The following ZNF646 variants were observed in gnomAD, a reference collection of about 807,000 sequenced individuals.
ZNF646 encodes the protein zinc finger protein 646.
In ZNF646, 49 loss-of-function variants were observed where a neutral mutation model predicts 115.4. The ratio of observed to expected loss-of-function variants is 0.42; its 90% confidence interval spans 0.34 to 0.54. ZNF646 has a LOEUF of 0.54. Among genes scored for constraint, ZNF646 ranks in the 20% least tolerant of loss-of-function variants. The pLI is 0.04. For missense variants in ZNF646, 2,269 were observed against 2,457.9 expected (o/e 0.92, Z 1.62); for synonymous variants, 933 against 939.0 (o/e 0.99, Z 0.12).
chr16:31,082,975 CCCAGTGGCA>C lies in ZNF646; in HGVS notation c.5389_5397del (p.Ala1797_Val1799del). ...CTCCTCTCTCTCTCCCCCCAGGAGC[CCCAGTGGCA>C]CCAGTGACGGGCAGAGGGGACTTGC... is the stretch of plus-strand genomic sequence containing the variant. On this transcript the variant is annotated inframe_deletion, in exon 3 of 3. Coordinates refer to ENST00000300850, the MANE Select transcript of ZNF646 (RefSeq NM_014699.4). The C allele has an allele frequency of 6.3e-7, 1 of 1,592,258 alleles. No homozygotes were observed. Among genetic ancestry groups the C allele is most frequent in the Non-Finnish European group, 8.6e-7 (1 of 1,168,770 alleles).
rs1339864281 is a variant in ZNF646 at position 31,080,434 on chromosome 16, C to G, written c.4110C>G (p.Gly1370=). The change falls in exon 2 of 3, where the codon GGC becomes GGG. Residue 1370 remains glycine, a synonymous_variant. Coordinates refer to ENST00000300850, the MANE Select transcript of ZNF646 (RefSeq NM_014699.4). The part of the protein sequence containing the change: ...RRTAVRCALC[G]RSFPGRGSLE... The stretch of plus-strand genomic sequence containing the variant: ...CAGCTGTGCGTTGCGCCCTCTGTGG[C>G]CGCAGCTTCCCTGGCCGGGGATCTT... The G allele has an allele frequency of 1.2e-6, 2 of 1,613,278 alleles. No homozygotes were observed. The highest frequency in any genetic ancestry group is 2.2e-5 in the South Asian group (2 of 91,086).
At position 31,076,109 on chromosome 16, in the gene ZNF646, G is replaced by A. The variant is rs531123421; in HGVS notation, c.-79-137G>A. 4 of 533,468 alleles carry A rather than the reference G, an allele frequency of 7.5e-6. No homozygotes were observed. In the South Asian group the frequency reaches 1.1e-4, roughly 15 times the overall value. 33.0% of individuals were successfully genotyped at this position (533,468 alleles called of 1,614,324 possible). On this transcript the variant is annotated intron_variant, in intron 1 of 2. Coordinates refer to ENST00000300850, the MANE Select transcript of ZNF646 (RefSeq NM_014699.4). ...CCTTAAATGATGGTGCCTGCAGATT[G>A]GATCTAGTAGAAATTAGGTCCTTGG...
rs371892937 is a variant in ZNF646 at position 31,083,751 on chromosome 16, G to T, written c.*659G>T. On this transcript the variant is annotated 3_prime_UTR_variant, in exon 3 of 3. Coordinates refer to ENST00000300850, the MANE Select transcript of ZNF646 (RefSeq NM_014699.4). ...ACAGGGGCAGTAATGCCATTTGCCT[G>T]CCTGCATTCTCTTGTCCTGAGAATG... 3.1e-6 allele frequency: 5 copies of T among 1,613,970 alleles called. No homozygotes were observed. The highest frequency in any genetic ancestry group is 4.2e-6 in the Non-Finnish European group (5 of 1,180,018).
In ZNF646 at chr16:31,078,368, A is replaced by G. The variant is rs776114850; in HGVS notation, c.2044A>G (p.Ser682Gly). The G allele has an allele frequency of 9.3e-6, 15 of 1,612,666 alleles. No individual in the cohort carries two copies. Reference protein sequence around the residue: ...RRHRKRAGGASGGREAKLLAA... With the variant: ...RRHRKRAGGAGGGREAKLLAA... ...GCATCGGAAGCGGGCTGGCGGTGCC[A>G]GCGGTGGGAGAGAAGCCAAACTCCT... Residue 682 changes from serine (S) to glycine (G), a missense_variant, in exon 2 of 3, where the codon AGC becomes GGC. Transcript: ENST00000300850.
At position 31,078,844 on chromosome 16, in the gene ZNF646, G is replaced by A. The variant is rs2057115104; in HGVS notation, c.2520G>A (p.Arg840=). ...ATGCCACTGGCCTGCTGAGCCACAG[G>A]CCCTGCCACCCACCAGGCATCTATC... ...FPHATGLLSH[R]PCHPPGIYQC... is the part of the protein sequence containing the mutation. Residue 840 remains arginine, a synonymous_variant, in exon 2 of 3, where the codon AGG becomes AGA. Coordinates refer to ENST00000300850, the MANE Select transcript of ZNF646 (RefSeq NM_014699.4). 6.2e-7 allele frequency: 1 copy of A among 1,614,022 alleles called. No individual in the cohort carries two copies.
In ZNF646 at chr16:31,080,701, A is replaced by C; in HGVS notation, c.4377A>C (p.Ala1459=). ...SEAPEPLSWG[A]GKAGGWPVGG... ...CCCCAGAGCCACTGTCCTGGGGTGC[A>C]GGGAAGGCAGGTGGGTGGCCGGTAG... is the stretch of plus-strand genomic sequence containing the variant. The change falls in exon 2 of 3, where the codon GCA becomes GCC. Residue 1459 remains alanine (A), a synonymous_variant. Transcript: ENST00000300850. The C allele has an allele frequency of 6.2e-7, 1 of 1,613,864 alleles. No individual in the cohort carries two copies. Among genetic ancestry groups the C allele is most frequent in the South Asian group, 1.1e-5 (1 of 91,082 alleles).
rs1351167420 is a variant in ZNF646 at position 31,084,048 on chromosome 16, G to A, written c.*956G>A. ...CAAGGCAGCTGGAGTGGGTTAGAAC[G>A]GCACGTTCTCACTGGAGAGAGAAGG... On this transcript the variant is annotated 3_prime_UTR_variant, in exon 3 of 3. Coordinates refer to ENST00000300850, the MANE Select transcript of ZNF646 (RefSeq NM_014699.4). 11 of 1,523,706 alleles carry A rather than the reference G, an allele frequency of 7.2e-6. No homozygotes were observed. The highest frequency in any genetic ancestry group is 2.0e-4 in the Middle Eastern group (1 of 4,932). The allele number at this position is 1,523,706 out of a possible 1,614,324, so 94.4% of individuals were successfully genotyped here.
At position 31,081,365 on chromosome 16, in the gene ZNF646, C is replaced by T. The variant is rs774225915; in HGVS notation, c.5041C>T (p.Gln1681Ter). ...EDKERPFRCT[Q>*]CGRSYRHAGS... ...CAAGGAGCGGCCCTTCCGCTGCACC[C>T]AGTGCGGGCGCTCCTACCGCCATGC... Residue 1681 changes from glutamine to a stop codon, truncating the protein, a stop_gained, in exon 2 of 3, where the codon CAG becomes TAG. Coordinates refer to ENST00000300850, the MANE Select transcript of ZNF646 (RefSeq NM_014699.4). LOFTEE classifies it high-confidence loss of function. 2 of 1,613,560 alleles carry T rather than the reference C, an allele frequency of 1.2e-6. No individual in the cohort carries two copies. The highest frequency in any genetic ancestry group is 2.7e-5 in the African/African-American group (2 of 74,944).
rs1202617391 is a variant in ZNF646 at position 31,077,048 on chromosome 16, A to G, written c.724A>G (p.Ser242Gly). 5 of 1,613,874 alleles carry G rather than the reference A, an allele frequency of 3.1e-6. No homozygotes were observed. The African/African-American group carries it at 5.3e-5, about 17-fold the overall frequency. ...PAEEERRYKC[S>G]QCGKTYKHAG... Reference sequence around the variant, plus strand: ...TGAGGAGGAGCGGCGGTACAAATGTAGTCAGTGTGGCAAGACCTACAAGCA... The same window carrying G: ...TGAGGAGGAGCGGCGGTACAAATGTGGTCAGTGTGGCAAGACCTACAAGCA... The change falls in exon 2 of 3, where the codon AGT becomes GGT. Residue 242 changes from serine to glycine, a missense_variant. Ser to Gly is a moderately conservative substitution (Grantham distance 56, BLOSUM62 0). This residue lies in a region of ZNF646 where 334 missense variants were observed against 323.5 expected (regional missense o/e 1.03). Coordinates refer to ENST00000300850, the MANE Select transcript of ZNF646 (RefSeq NM_014699.4).
In ZNF646 at chr16:31,079,178, G is replaced by A. The variant is rs1198460242; in HGVS notation, c.2854G>A (p.Asp952Asn). Reference sequence around the variant, plus strand: ...GCTGCAGCGGGAGGTGGAAGCGCTGGACAGTGCAGGGTATGGGCACATCTG... The same window carrying A: ...GCTGCAGCGGGAGGTGGAAGCGCTGAACAGTGCAGGGTATGGGCACATCTG... ...NQLQREVEAL[D>N]SAGYGHICGC... The change falls in exon 2 of 3, where the codon GAC (aspartate) becomes AAC (asparagine). Residue 952 changes from aspartate (D) to asparagine (N), a missense_variant. Around this residue, in one of 5 missense-constraint regions of ZNF646, gnomAD observed 852 missense variants for 900.2 expected, o/e 0.95. Coordinates refer to ENST00000300850, the MANE Select transcript of ZNF646 (RefSeq NM_014699.4). The surrounding 1 kb of genome is among the most constrained non-coding windows in gnomAD (Gnocchi z 5.5). The A allele has an allele frequency of 6.2e-7, 1 of 1,613,034 alleles. No individual in the cohort carries two copies. The highest frequency in any genetic ancestry group is 8.5e-7 in the Non-Finnish European group (1 of 1,179,814).
rs376364398 is a variant in ZNF646, at chr16:31,081,383, C to T, written c.5059C>T (p.Arg1687Cys). ...FRCTQCGRSY[R>C]HAGSLLNHQK... ...CTGCACCCAGTGCGGGCGCTCCTAC[C>T]GCCATGCTGGCAGCCTGCTGAACCA... The change falls in exon 2 of 3, where the codon CGC becomes TGC. Residue 1687 changes from arginine (R) to cysteine (C), a missense_variant. Transcript: ENST00000300850. 2.0e-5 allele frequency: 32 copies of T among 1,611,966 alleles called. No individual in the cohort carries two copies. Among genetic ancestry groups the T allele is most frequent in the African/African-American group, 1.9e-4 (14 of 74,908 alleles).
rs909531801 is a variant in ZNF646 at position 31,076,527 on chromosome 16, G to A, written c.203G>A (p.Arg68Gln). Residue 68 changes from arginine to glutamine, a missense_variant, in exon 2 of 3, where the codon CGG (arginine) becomes CAG (glutamine). This residue lies in a region of ZNF646 where 334 missense variants were observed against 323.5 expected (regional missense o/e 1.03). Transcript: ENST00000300850. ...CCCGGGAGCCTGGTTAACCATCGTCGGACCCACGAGACTGGCCTTTTCCCC... is the reference window on the plus strand; with the variant it reads ...CCCGGGAGCCTGGTTAACCATCGTCAGACCCACGAGACTGGCCTTTTCCCC... ...RHPGSLVNHR[R>Q]THETGLFPCT... 30 of 1,612,988 alleles carry A rather than the reference G, an allele frequency of 1.9e-5. No homozygotes were observed. The highest frequency in any genetic ancestry group is 2.2e-5 in the Non-Finnish European group (26 of 1,179,400).
At position 31,077,946 on chromosome 16, in the gene ZNF646, C is replaced by G. The variant is rs568763528; in HGVS notation, c.1622C>G (p.Pro541Arg). Residue 541 changes from proline to arginine, a missense_variant, in exon 2 of 3, where the codon CCA becomes CGA. Physicochemically the swap from Pro to Arg is moderately radical, Grantham distance 103. Transcript: ENST00000300850. The part of the protein sequence containing the change: ...SHLKVELPPD[P>R]VEAEAAPHTD... ...CTCAAGGTAGAACTCCCGCCTGACC[C>G]AGTGGAGGCAGAGGCAGCCCCGCAC... 2.9e-5 allele frequency: 46 copies of G among 1,613,958 alleles called. No homozygotes were observed. Among genetic ancestry groups the G allele is most frequent in the Admixed American group, 1.2e-4 (7 of 60,014 alleles).
In ZNF646 at chr16:31,081,281, G is replaced by A; in HGVS notation, c.4957G>A (p.Gly1653Arg). 6.2e-7 allele frequency: 1 copy of A among 1,612,804 alleles called. No individual in the cohort carries two copies. The highest frequency in any genetic ancestry group is 8.5e-7 in the Non-Finnish European group (1 of 1,179,120). Residue 1653 changes from glycine to arginine, a missense_variant, in exon 2 of 3, where the codon GGA (glycine) becomes AGA (arginine). Physicochemically the swap from Gly to Arg is moderately radical, Grantham distance 125 (BLOSUM62 -2). Around this residue, in one of 5 missense-constraint regions of ZNF646, gnomAD observed 1,062 missense variants for 1,172.8 expected, o/e 0.91. Coordinates refer to ENST00000300850, the MANE Select transcript of ZNF646 (RefSeq NM_014699.4). Reference protein sequence around the residue: ...EAPSETPRGPGESVERARGGQ... With the variant: ...EAPSETPRGPRESVERARGGQ... ...CCCATCAGAAACCCCCAGAGGCCCA[G>A]GAGAGAGTGTGGAGAGAGCCAGGGG...
chr16:31,083,573 G>A lies in ZNF646; in HGVS notation c.*481G>A, dbSNP rs1468543822. On this transcript the variant is annotated 3_prime_UTR_variant, in exon 3 of 3. Coordinates refer to ENST00000300850, the MANE Select transcript of ZNF646 (RefSeq NM_014699.4). ...AGGAGGAAAGCTGAGACGCCTGCTT[G>A]GTAGCAGAGTTGGGTGTGGGAGTGT... is the stretch of plus-strand genomic sequence containing the variant. 2 of 1,442,082 alleles carry A rather than the reference G, an allele frequency of 1.4e-6. No homozygotes were observed. Among genetic ancestry groups the A allele is most frequent in the Non-Finnish European group, 1.8e-6 (2 of 1,093,960 alleles). 89.3% of individuals were successfully genotyped at this position (1,442,082 alleles called of 1,614,324 possible). A position where few individuals can be genotyped will look rare whatever the true frequency, so the allele number is the denominator to read the frequency against.
rs572932075 is a variant in ZNF646 at position 31,084,112 on chromosome 16, C to T, written c.*1020C>T. The T allele has an allele frequency of 4.0e-5, 63 of 1,568,186 alleles. No homozygotes were observed. In the East Asian group the frequency reaches 1.5e-3, roughly 36 times the overall value. ...AGGGTTTGGCAGGAGGCCCCGGGGC[C>T]ACATACTTATGTTGGCCAGGCAGCT... On this transcript the variant is annotated 3_prime_UTR_variant, in exon 3 of 3. Coordinates refer to ENST00000300850, the MANE Select transcript of ZNF646 (RefSeq NM_014699.4).
chr16:31,076,941 T>G lies in ZNF646; in HGVS notation c.617T>G (p.Leu206Arg), dbSNP rs755799939. ...CCTCTCCCCATCCCAGCCAGCAGCCTTCTTAGCAACTTGGAACAGTATCTG... is the reference window on the plus strand; with the variant it reads ...CCTCTCCCCATCCCAGCCAGCAGCCGTCTTAGCAACTTGGAACAGTATCTG... Reference protein sequence around the residue: ...APPLPIPASSLLSNLEQYLAE... With the variant: ...APPLPIPASSRLSNLEQYLAE... The change falls in exon 2 of 3, where the codon CTT becomes CGT. Residue 206 changes from leucine (L) to arginine (R), a missense_variant. Physicochemically the swap from Leu to Arg is moderately radical, Grantham distance 102 (BLOSUM62 -2). This residue lies in a region of ZNF646 where 334 missense variants were observed against 323.5 expected (regional missense o/e 1.03). Transcript: ENST00000300850. 11 of 1,613,924 alleles carry G rather than the reference T, an allele frequency of 6.8e-6. No homozygotes were observed. In the Admixed American group the frequency reaches 1.3e-4, roughly 20 times the overall value.
chr16:31,079,291 T>C lies in ZNF646; in HGVS notation c.2967T>C (p.Ala989=). 1 of 1,613,580 alleles carries C rather than the reference T, an allele frequency of 6.2e-7. No homozygotes were observed. Among genetic ancestry groups the C allele is most frequent in the Non-Finnish European group, 8.5e-7 (1 of 1,179,644 alleles). ...GTTCTGGGACTACTGCAGACAAGGC[T>C]CCCAGCCCCTTGGGAGTGGCAGGTG... The part of the protein sequence containing the change: ...SQSSGTTADK[A]PSPLGVAGDA... The change falls in exon 2 of 3, where the codon GCT becomes GCC. Residue 989 remains alanine, a synonymous_variant. Transcript: ENST00000300850. The surrounding 1 kb of genome is among the most constrained non-coding windows in gnomAD (Gnocchi z 5.5).
Position 31,076,504 on chromosome 16 carries a change from C to T in ZNF646, c.180C>T (p.Pro60=), listed in dbSNP as rs757883223. The change falls in exon 2 of 3, where the codon CCC becomes CCT. Residue 60 remains proline (P), a synonymous_variant. Transcript: ENST00000300850. ...CQQCGRGYRH[P]GSLVNHRRTH... is the part of the protein sequence containing the mutation. The stretch of plus-strand genomic sequence containing the variant: ...AGTGTGGGCGGGGCTACCGTCACCC[C>T]GGGAGCCTGGTTAACCATCGTCGGA... 6.6e-5 allele frequency: 106 copies of T among 1,613,786 alleles called. No homozygotes were observed. The highest frequency in any genetic ancestry group is 1.5e-4 in the Admixed American group (9 of 59,988).
Sources: gnomAD v4.1 joint callset for allele counts on GRCh38, gnomAD v4.1.1 for gene constraint, gnomAD v4.1.1 regional missense constraint, Gnocchi (gnomAD v3.1) non-coding constraint, MANE v1.5 for transcripts, NCBI Gene and HGNC (gene_info 2026-07-23, HGNC 2026-07-21) for gene names.